The following ZFAND3 variants were observed in gnomAD, a reference collection of about 807,000 sequenced individuals.
ZFAND3 encodes zinc finger AN1-type containing 3.
ZFAND3 carries 10 observed loss-of-function variants against 29.6 expected under a neutral mutation model. The observed-to-expected ratio is 0.34, with a 90% confidence interval of 0.21 to 0.57. ZFAND3 has a LOEUF of 0.57. Ranked by LOEUF, ZFAND3 falls within the 20% of genes least tolerant of loss-of-function variation. The probability of loss-of-function intolerance (pLI) is 0.86; values close to 1 mark genes in which losing one functional copy is unlikely to be tolerated. For missense variants in ZFAND3, 230 were observed against 304.5 expected (o/e 0.76, Z 1.82); for synonymous variants, 128 against 112.6 (o/e 1.14, Z -0.87).
intron 1 of ZFAND3, among the ~76,000 whole-genome samples, chr6:37,899,050 C>T (rs1765270366): frequency 6.6e-6 from 1 of 152,166 alleles, no homozygotes; most frequent in African/African-American, 2.4e-5. Flanking sequence ...CGCCCGCCAC[C>T]ACGCCTGGCT....
At chr6:37,939,885 T>C (rs975165896) in intron 2 of ZFAND3, among the ~76,000 whole-genome samples, 5 of 151,834 alleles carry the variant, frequency 3.3e-5, no homozygotes, top group Non-Finnish European at 1.5e-5. Context: ...ACTAAAAATA[T>C]AAAAATTAGC....
intron 5 of ZFAND3, among the ~76,000 whole-genome samples, chr6:38,146,226 G>A (rs959274257): frequency 2.6e-5 from 4 of 152,182 alleles, no homozygotes; most frequent in African/African-American, 7.2e-5. Flanking sequence ...TGTAGCTGGT[G>A]GAGACCCTGG....
chr6:37,978,098 A>G (rs757314201), intron 2 of ZFAND3, among the ~76,000 whole-genome samples: 3 of 151,732 alleles, frequency 2.0e-5, no homozygotes, highest in Non-Finnish European at 4.4e-5. Context: ...ATGGCTGGCT[A>G]ATTTTCGTAT....
intron 4 of ZFAND3, among the ~76,000 whole-genome samples, chr6:38,111,965 C>G (rs1040833526): frequency 2.0e-5 from 3 of 152,136 alleles, no homozygotes; most frequent in African/African-American, 7.2e-5. Flanking sequence ...GTCCTGGAAC[C>G]AATCTCCCTT....
At chr6:37,901,537 G>C (rs960600399) in intron 1 of ZFAND3, among the ~76,000 whole-genome samples, 10 of 152,242 alleles carry the variant, frequency 6.6e-5, no homozygotes, top group Non-Finnish European at 1.5e-4. Context: ...AGGATTGCTT[G>C]AGCCCAGGAG....
chr6:37,977,867 C>CCTTCCTTCCTTCCTTCCTTT (rs1762513806), intron 2 of ZFAND3, among the ~76,000 whole-genome samples: 4 of 134,260 alleles, frequency 3.0e-5, no homozygotes, highest in Non-Finnish European at 4.8e-5. Flanking sequence ...TTCCTTCCTT[C>CCTTCCTTCCTTCCTTCCTTT]CTTTCCTTCT....
chr6:37,904,529 C>T (rs1765374741), intron 1 of ZFAND3, among the ~76,000 whole-genome samples: 1 of 152,086 alleles, frequency 6.6e-6, no homozygotes, highest in Non-Finnish European at 1.5e-5. Context: ...CTGGGATTTT[C>T]CAGTTGCTTT....
At chr6:38,075,837 C>T (rs1274687993) in intron 3 of ZFAND3, among the ~76,000 whole-genome samples, 1 of 152,116 alleles carries the variant, frequency 6.6e-6, no homozygotes, top group Non-Finnish European at 1.5e-5. Context: ...CTGCAACCTC[C>T]ACCTCCCGGG....
chr6:38,117,576 A>G (rs1765446274), intron 5 of ZFAND3, among the ~76,000 whole-genome samples: 1 of 152,166 alleles, frequency 6.6e-6, no homozygotes, highest in South Asian at 2.1e-4. Flanking sequence ...CTGGTTTTAA[A>G]ACCTAATATT....
intron 4 of ZFAND3, among the ~76,000 whole-genome samples, chr6:38,110,172 A>G (rs1765286161): frequency 6.6e-6 from 1 of 152,210 alleles, no homozygotes; most frequent in Non-Finnish European, 1.5e-5. Context: ...ACAAAATTTT[A>G]ATAATCAGCC....
At chr6:37,955,621 T>C (rs901208980) in intron 2 of ZFAND3, among the ~76,000 whole-genome samples, 8 of 152,218 alleles carry the variant, frequency 5.3e-5, no homozygotes, top group Admixed American at 4.6e-4. Flanking sequence ...CCAGTAACTA[T>C]TATAAACCAC....
At chr6:38,094,228 T>C (rs1388018011) in intron 4 of ZFAND3, among the ~76,000 whole-genome samples, 1 of 151,908 alleles carries the variant, frequency 6.6e-6, no homozygotes, top group African/African-American at 2.4e-5. Flanking sequence ...GGAGGGAAGA[T>C]AGCATCTACA....
intron 2 of ZFAND3, 130 bp downstream of exon 2, chr6:37,930,129 T>A: frequency 1.1e-6 from 1 of 927,720 alleles, no homozygotes; most frequent in Non-Finnish European, 1.5e-6. Context: ...TTAGCTTGTG[T>A]GAGAAAGCAG....
intron 2 of ZFAND3, among the ~76,000 whole-genome samples, chr6:38,042,792 T>C (rs1464366120): frequency 3.3e-5 from 5 of 152,176 alleles, no homozygotes; most frequent in African/African-American, 1.2e-4. Flanking sequence ...TTTTCAAGAA[T>C]AGATGGTTAA....
chr6:38,010,646 C>T (rs1016255646), intron 2 of ZFAND3, among the ~76,000 whole-genome samples: 2 of 150,016 alleles, frequency 1.3e-5, no homozygotes, highest in African/African-American at 4.9e-5. Flanking sequence ...GTCACCCAGG[C>T]TGGAGTGCAA....
chr6:38,053,639 C>G lies in ZFAND3; in HGVS notation c.113-7954C>G, dbSNP rs538288955. 1.3e-3 allele frequency among the ~76,000 whole-genome samples: 201 copies of G among 152,196 alleles called. 1 individual carries two copies. The highest frequency in any genetic ancestry group is 4.7e-3 in the African/African-American group (195 of 41,520). On this transcript the variant is annotated intron_variant, in intron 2 of 5. Coordinates refer to ENST00000287218, the MANE Select transcript of ZFAND3 (RefSeq NM_021943.3). ...GCTTGAACTCAGGATGCCAAGGTTG[C>G]AGTGAGCCGAGATTGCACCACTACA...
chr6:37,845,173 A>G (rs1764155624), intron 1 of ZFAND3, among the ~76,000 whole-genome samples: 1 of 152,198 alleles, frequency 6.6e-6, no homozygotes, highest in Non-Finnish European at 1.5e-5. Flanking sequence ...CCATTTCTCA[A>G]TGAGAGGAGT....
At chr6:37,884,651 T>A (rs1200868172) in intron 1 of ZFAND3, among the ~76,000 whole-genome samples, 1 of 144,792 alleles carries the variant, frequency 6.9e-6, no homozygotes, top group Non-Finnish European at 1.5e-5. Context: ...TCATTTGTCA[T>A]TTATCTGCTA....
chr6:37,831,502 T>C (rs1374483038), intron 1 of ZFAND3, among the ~76,000 whole-genome samples: 2 of 152,188 alleles, frequency 1.3e-5, no homozygotes, highest in East Asian at 3.8e-4. Context: ...GCTCACGGTC[T>C]AGAAGGGGAG....
Sources: gnomAD v4.1 joint callset for allele counts (sites outside exome capture counted in the v4.1 genomes callset) on GRCh38, gnomAD v4.1.1 for gene constraint, MANE v1.5 for transcripts, NCBI Gene and HGNC (gene_info 2026-07-23, HGNC 2026-07-21) for gene names.